Variants in CEP128 observed in about 807,000 individuals in gnomAD.
CEP128 encodes centrosomal protein 128kDa.
In CEP128, 132 loss-of-function variants were observed where a neutral mutation model predicts 156.7. That is an observed-to-expected ratio of 0.84 (90% confidence interval 0.73 to 0.97). CEP128 has a LOEUF of 0.97. CEP128 is among the 50% of genes least tolerant of loss of function. The pLI is 0.00. For synonymous variants in CEP128, 469 were observed against 448.9 expected (o/e 1.04, Z -0.57); for missense variants, 1,252 against 1,281.9 (o/e 0.98, Z 0.36).
At chr14:80,889,179 A>G (rs1044513785) in intron 8 of CEP128, among the ~76,000 whole-genome samples, 1 of 152,264 alleles carries the variant, frequency 6.6e-6, no homozygotes, top group Non-Finnish European at 1.5e-5. Context: ...ATGAAGAATC[A>G]ATATCATGAA....
At chr14:80,613,131 C>T (rs1893066022) in intron 19 of CEP128, among the ~76,000 whole-genome samples, 2 of 150,616 alleles carry the variant, frequency 1.3e-5, no homozygotes, top group African/African-American at 2.4e-5. Flanking sequence ...GCTAGGATTA[C>T]AGGAATGAGC....
intron 19 of CEP128, among the ~76,000 whole-genome samples, chr14:80,659,676 C>T (rs1355558294): frequency 6.6e-6 from 1 of 152,124 alleles, no homozygotes; most frequent in East Asian, 1.9e-4. Context: ...CTTAACAATG[C>T]ATTTATATTT....
At chr14:80,623,305 G>T in intron 19 of CEP128, among the ~76,000 whole-genome samples, 1 of 129,102 alleles carries the variant, frequency 7.7e-6, no homozygotes, top group Non-Finnish European at 1.6e-5. Context: ...TCTGGGGACT[G>T]TTGTGGGGTG....
intron 4 of CEP128, among the ~76,000 whole-genome samples, chr14:80,911,896 C>A (rs1226193385): frequency 6.6e-6 from 1 of 152,118 alleles, no homozygotes; most frequent in Non-Finnish European, 1.5e-5. Flanking sequence ...ATGGAAATAC[C>A]TGTTGAATTT....
intron 14 of CEP128, among the ~76,000 whole-genome samples, chr14:80,788,310 T>TTTC (rs398025906): frequency 6.7e-6 from 1 of 149,438 alleles, no homozygotes; most frequent in Admixed American, 6.7e-5. Flanking sequence ...TTTTTTTTTT[T>TTTC]CTGTTTCCTG....
intron 19 of CEP128, among the ~76,000 whole-genome samples, chr14:80,655,655 A>G (rs1895099114): frequency 1.3e-5 from 2 of 152,176 alleles, no homozygotes; most frequent in African/African-American, 2.4e-5. Context: ...AAGGAGAAGT[A>G]TCCAGGTGAC....
chr14:80,876,323 C>A (rs562175394), intron 8 of CEP128, among the ~76,000 whole-genome samples: 1 of 151,964 alleles, frequency 6.6e-6, no homozygotes, highest in Non-Finnish European at 1.5e-5. Context: ...TCAGGCCGGG[C>A]GCAGTGGCTC....
chr14:80,880,359 C>T (rs1193283485), intron 8 of CEP128, among the ~76,000 whole-genome samples: 1 of 151,946 alleles, frequency 6.6e-6, no homozygotes, highest in African/African-American at 2.4e-5. Context: ...TATGAAAAGC[C>T]CATGGTGGAC....
intron 19 of CEP128, among the ~76,000 whole-genome samples, chr14:80,585,316 G>A (rs1232876838): frequency 6.6e-6 from 1 of 152,206 alleles, no homozygotes; most frequent in Admixed American, 6.5e-5. Context: ...TTTGCAACCA[G>A]TGATCTGGCT....
intron 6 of CEP128, among the ~76,000 whole-genome samples, chr14:80,903,866 G>A (rs1023540209): frequency 4.9e-4 from 75 of 152,148 alleles, no homozygotes; most frequent in African/African-American, 1.8e-3. Flanking sequence ...TGACATGAAG[G>A]AAAGGGACCC....
chr14:80,917,847 A>C (rs1884647783), intron 2 of CEP128, among the ~76,000 whole-genome samples: 1 of 152,244 alleles, frequency 6.6e-6, no homozygotes, highest in Non-Finnish European at 1.5e-5. Flanking sequence ...AACATAACTA[A>C]ACAAATAAAC....
intron 19 of CEP128, among the ~76,000 whole-genome samples, chr14:80,712,155 C>G (rs945848281): frequency 6.6e-6 from 1 of 151,970 alleles, no homozygotes; most frequent in African/African-American, 2.4e-5. Context: ...CACTAATGTT[C>G]GGATCTGCCT....
At chr14:80,684,391 A>G (rs990569958) in intron 19 of CEP128, among the ~76,000 whole-genome samples, 1 of 152,160 alleles carries the variant, frequency 6.6e-6, no homozygotes, top group African/African-American at 2.4e-5. Flanking sequence ...CCAAGATTTA[A>G]TCAGGAATAA....
downstream of CEP128, among the ~76,000 whole-genome samples, chr14:80,486,958 C>T (rs1292299133): frequency 6.6e-6 from 1 of 152,152 alleles, no homozygotes; most frequent in Non-Finnish European, 1.5e-5. Context: ...TAGGAAGAAA[C>T]TGCATCAACT....
At chr14:80,544,568 AG>A (rs1889901492) in intron 21 of CEP128, among the ~76,000 whole-genome samples, 1 of 152,210 alleles carries the variant, frequency 6.6e-6, no homozygotes, top group South Asian at 2.1e-4. Flanking sequence ...AATCTGCCAA[AG>A]GGCCTACCTA....
intron 19 of CEP128, among the ~76,000 whole-genome samples, chr14:80,625,643 T>C (rs1040109549): frequency 1.3e-5 from 2 of 152,144 alleles, no homozygotes; most frequent in African/African-American, 2.4e-5. Context: ...CAGTGTTTTG[T>C]AGTTTTGTTA....
At chr14:80,553,502 C>T (rs754511456) in intron 21 of CEP128, among the ~76,000 whole-genome samples, 18 of 152,060 alleles carry the variant, frequency 1.2e-4, no homozygotes, top group African/African-American at 4.3e-4. Context: ...TTACACTGAC[C>T]GACTTATATA....
intron 13 of CEP128, among the ~76,000 whole-genome samples, chr14:80,814,403 C>T (rs1055452243): frequency 2.6e-5 from 4 of 151,874 alleles, no homozygotes; most frequent in Non-Finnish European, 4.4e-5. Context: ...CACTATTTCT[C>T]TCAAAGAGAA....
intron 14 of CEP128, among the ~76,000 whole-genome samples, chr14:80,484,165 T>C (rs1222291656): frequency 3.3e-5 from 5 of 152,138 alleles, no homozygotes; most frequent in Non-Finnish European, 7.4e-5. Context: ...TTTATAGAGA[T>C]GGAGTTTTTA....
Sources: gnomAD v4.1 joint callset for allele counts (sites outside exome capture counted in the v4.1 genomes callset) on GRCh38, gnomAD v4.1.1 for gene constraint, MANE v1.5 for transcripts, NCBI Gene and HGNC (gene_info 2026-07-23, HGNC 2026-07-21) for gene names.